ECT2L: variants seen among roughly 807,000 people sequenced by gnomAD.
ECT2L encodes epithelial cell transforming 2 like.
ECT2L carries 126 observed loss-of-function variants against 122.8 expected under a neutral mutation model. The ratio of observed to expected loss-of-function variants is 1.03; its 90% CI spans 0.89 to 1.19. The LOEUF (loss-of-function observed/expected upper bound fraction) is 1.19, where lower values mean the gene tolerates loss of function less well. ECT2L is among the 50% of genes most tolerant of loss of function. The pLI, the probability that ECT2L is intolerant of heterozygous loss-of-function variation, is 0.00. For synonymous variants in ECT2L, 385 were observed against 381.8 expected (o/e 1.01, Z -0.10); for missense variants, 1,012 against 1,064.1 (o/e 0.95, Z 0.68).
chr6:138,900,606 C>A (rs1779365620), intron 20 of ECT2L, among the ~76,000 whole-genome samples: 1 of 152,168 alleles, frequency 6.6e-6, no homozygotes. Flanking sequence ...CCAAATACAT[C>A]AAAGTACCTA....
intron 20 of ECT2L, among the ~76,000 whole-genome samples, chr6:138,893,964 C>A (rs1440149160): frequency 6.6e-6 from 1 of 152,192 alleles, no homozygotes; most frequent in African/African-American, 2.4e-5. Flanking sequence ...AACTTCAATT[C>A]TATAAAGGAT....
At chr6:138,858,268 T>G (rs1777691202) in intron 10 of ECT2L, among the ~76,000 whole-genome samples, 1 of 152,148 alleles carries the variant, frequency 6.6e-6, no homozygotes, top group Non-Finnish European at 1.5e-5. Flanking sequence ...ACTGGATGTT[T>G]AATTTTCACA....
At position 138,885,531 on chromosome 6, in the gene ECT2L, G is replaced by A. The variant is rs754540928; in HGVS notation, c.2054G>A (p.Arg685Gln). ...EKCREMIPAF[R>Q]TFLKRHDKTI... The stretch of plus-strand genomic sequence containing the variant: ...TGCAGAGAAATGATACCAGCATTCC[G>A]AACTTTCCTGAAGAGGCATGATAAG... Residue 685 changes from arginine (R) to glutamine (Q), a missense_variant, in exon 17 of 22, where the codon CGA becomes CAA. Arg to Gln is a conservative substitution (Grantham distance 43). Coordinates refer to ENST00000541398, the MANE Select transcript of ECT2L (RefSeq NM_001077706.3). The A allele has an allele frequency of 1.1e-5, 17 of 1,614,082 alleles. No homozygotes were observed. The highest frequency in any genetic ancestry group is 2.2e-5 in the South Asian group (2 of 91,076).
chr6:138,867,571 A>G (rs1372296782), intron 12 of ECT2L, among the ~76,000 whole-genome samples: 1 of 150,514 alleles, frequency 6.6e-6, no homozygotes. Context: ...GCACTTTGGG[A>G]GGCCAAGGCA....
intron 14 of ECT2L, among the ~76,000 whole-genome samples, chr6:138,879,741 T>C (rs766052235): frequency 1.6e-4 from 25 of 151,948 alleles, no homozygotes; most frequent in Admixed American, 1.6e-3. Flanking sequence ...GATCACAAGG[T>C]CAAGAGATCG....
chr6:138,836,199 T>C (rs1409776878), intron 4 of ECT2L, among the ~76,000 whole-genome samples: 1 of 152,202 alleles, frequency 6.6e-6, no homozygotes, highest in Non-Finnish European at 1.5e-5. Flanking sequence ...TTAAAAGTAT[T>C]TGATTAATTT....
chr6:138,838,612 A>G, intron 5 of ECT2L, 98 bp downstream of exon 5: 1 of 1,227,628 alleles, frequency 8.1e-7, no homozygotes, highest in Admixed American at 3.0e-5. Flanking sequence ...ACAATAGCTG[A>G]GGGTACCTGA....
chr6:138,902,787 C>A lies in ECT2L; in HGVS notation c.*160C>A. The A allele has an allele frequency of 1.2e-6, 1 of 808,544 alleles. No homozygotes were observed. The highest frequency in any genetic ancestry group is 1.9e-6 in the Non-Finnish European group (1 of 522,876). The allele number at this position is 808,544 out of a possible 1,614,324, so 50.1% of individuals were successfully genotyped here. A position where few individuals can be genotyped will look rare whatever the true frequency, so the allele number is the denominator to read the frequency against. On this transcript the variant is annotated 3_prime_UTR_variant, in exon 22 of 22. Coordinates refer to ENST00000541398, the MANE Select transcript of ECT2L (RefSeq NM_001077706.3). Reference sequence around the variant, plus strand: ...GATCTTTCCAACTTTTAAACTTTATCACTTGTGCTCACTTATGTAGAATGT... The same window carrying A: ...GATCTTTCCAACTTTTAAACTTTATAACTTGTGCTCACTTATGTAGAATGT...
At chr6:138,871,206 A>G (rs1030367280) in intron 13 of ECT2L, among the ~76,000 whole-genome samples, 1 of 152,196 alleles carries the variant, frequency 6.6e-6, no homozygotes, top group Non-Finnish European at 1.5e-5. Context: ...GTAGGGGAAA[A>G]TACTGTTTTA....
chr6:138,864,555 TTTGGTGATGACAGGGTTGACTTCCA>T (rs1345412536), intron 11 of ECT2L, among the ~76,000 whole-genome samples: 22 of 152,080 alleles, frequency 1.4e-4, no homozygotes, highest in African/African-American at 3.1e-4. Flanking sequence ...AAGATAAGGA[TTTGGTGATGACAGGGTTGACTTCCA>T]TTGGCGATGA....
intron 9 of ECT2L, 109 bp from the exon 10 acceptor site, chr6:138,853,917 G>A (rs1283607278): frequency 2.4e-6 from 3 of 1,266,162 alleles, no homozygotes; most frequent in Non-Finnish European, 3.3e-6. Context: ...TCTTGGTCTT[G>A]CAGGCAGATG....
intron 9 of ECT2L, among the ~76,000 whole-genome samples, chr6:138,853,577 G>C (rs1998129): frequency 0.19 from 28,781 of 152,024 alleles, 2,847 homozygotes; most frequent in East Asian, 0.29. Flanking sequence ...TCATCACACA[G>C]AATTGTCGGG....
chr6:138,812,265 C>A (rs1287623348), intron 1 of ECT2L, among the ~76,000 whole-genome samples: 1 of 152,116 alleles, frequency 6.6e-6, no homozygotes, highest in Non-Finnish European at 1.5e-5. Context: ...TGCAAGTCAC[C>A]CAGTCTGTGG....
At chr6:138,869,841 C>T (rs1186387149) in intron 13 of ECT2L, among the ~76,000 whole-genome samples, 11 of 152,184 alleles carry the variant, frequency 7.2e-5, no homozygotes, top group Non-Finnish European at 7.3e-5. Flanking sequence ...CAACAAGATC[C>T]TTCCTGTCCC....
chr6:138,803,256 A>G (rs1474502854), intron 1 of ECT2L, among the ~76,000 whole-genome samples: 1 of 127,020 alleles, frequency 7.9e-6, no homozygotes, highest in African/African-American at 3.2e-5. Flanking sequence ...TCCCAACTCT[A>G]AAAAAAAAAA....
At chr6:138,880,844 C>T in intron 14 of ECT2L, 113 bp from the exon 15 acceptor site, 1 of 833,738 alleles carries the variant, frequency 1.2e-6, no homozygotes, top group Non-Finnish European at 1.9e-6. Context: ...CCCGTGAAGT[C>T]CCCTTCAACC....
chr6:138,849,936 A>T lies in ECT2L; in HGVS notation c.1069+502A>T, dbSNP rs533006238. Reference sequence around the variant, plus strand: ...CTGTCTTAACCATTTTGAAGTGTGCAGTTCAGTATTGTTTGTTCACATTGT... The same window carrying T: ...CTGTCTTAACCATTTTGAAGTGTGCTGTTCAGTATTGTTTGTTCACATTGT... On this transcript the variant is annotated intron_variant, in intron 9 of 21. Transcript: ENST00000541398. Among the ~76,000 whole-genome samples, 14 of 114,666 alleles carry T rather than the reference A, an allele frequency of 1.2e-4. No individual in the cohort carries two copies. In the East Asian group the frequency reaches 2.8e-3, roughly 23 times the overall value. The allele number at this position is 114,666 out of a possible 152,430, so 75.2% of individuals were successfully genotyped here. A position where few individuals can be genotyped will look rare whatever the true frequency, so the allele number is the denominator to read the frequency against.
intron 11 of ECT2L, among the ~76,000 whole-genome samples, chr6:138,864,207 A>T (rs1777945202): frequency 6.6e-6 from 1 of 151,854 alleles, no homozygotes; most frequent in South Asian, 2.1e-4. Flanking sequence ...CTGTAATCCC[A>T]GCTACTCAGG....
At chr6:138,893,224 C>T (rs1298287477) in intron 20 of ECT2L, among the ~76,000 whole-genome samples, 3 of 144,510 alleles carry the variant, frequency 2.1e-5, no homozygotes, top group East Asian at 4.1e-4. Flanking sequence ...TAACATGAGA[C>T]GTAAGGTTAG....
Sources: allele counts gnomAD v4.1 joint callset (sites outside exome capture counted in the v4.1 genomes callset), GRCh38; gene constraint gnomAD v4.1.1; transcripts MANE v1.5; gene names NCBI Gene and HGNC (gene_info 2026-07-23, HGNC 2026-07-21).